Variants in ETFA observed in about 807,000 individuals in gnomAD.
The protein encoded by ETFA is electron transfer flavoprotein subunit alpha.
In ETFA, 22 loss-of-function variants were observed where a neutral mutation model predicts 46.2. The observed-to-expected ratio is 0.48, with a 90% confidence interval of 0.34 to 0.68. The LOEUF (loss-of-function observed/expected upper bound fraction) is 0.68, where lower values mean the gene tolerates loss of function less well. Among genes scored for constraint, ETFA ranks in the 30% least tolerant of loss-of-function variants. The probability of loss-of-function intolerance (pLI) is 0.01; values close to 1 mark genes in which losing one functional copy is unlikely to be tolerated. For missense variants in ETFA, 345 were observed against 401.1 expected, an observed-to-expected ratio of 0.86 and a Z score of 1.19; for synonymous variants, 131 against 139.9, an observed-to-expected ratio of 0.94 and a Z score of 0.45.
rs112566569 is a variant in ETFA, at chr15:76,259,268, G to A, written c.816+15144C>T. ...TGATGTATAAGGGGTCCTGGCTGGC[G>A]GATAGCACAGACAGCTGGCCCAGAA... On this transcript the variant is annotated intron_variant, in intron 9 of 11. Transcript: ENST00000557943. The A allele has an allele frequency of 5.7e-5, 89 of 1,566,416 alleles. 1 individual carries two copies. Among genetic ancestry groups the A allele is most frequent in the South Asian group, 4.4e-5 (4 of 90,150 alleles).
intron 1 of ETFA, among the ~76,000 whole-genome samples, chr15:76,304,925 C>T (rs1035104072): frequency 1.3e-5 from 2 of 151,824 alleles, no homozygotes; most frequent in African/African-American, 4.9e-5. Flanking sequence ...CACCTGTAGT[C>T]CCAGCTACTT....
At chr15:76,259,827 AG>A in intron 9 of ETFA, 1 of 1,552,256 alleles carries the variant, frequency 6.4e-7, no homozygotes. Flanking sequence ...ATCAGGGTAA[AG>A]GGGTTCTCCC....
intron 9 of ETFA, among the ~76,000 whole-genome samples, chr15:76,242,081 C>T (rs990417504): frequency 3.9e-5 from 6 of 152,044 alleles, no homozygotes; most frequent in Non-Finnish European, 7.4e-5. Context: ...GGGATCCCCC[C>T]GCCTTGGCCT....
chr15:76,258,175 A>G (rs2039365739), intron 9 of ETFA, among the ~76,000 whole-genome samples: 2 of 146,736 alleles, frequency 1.4e-5, no homozygotes, highest in Admixed American at 7.4e-5. Context: ...TATAATAATA[A>G]ATAAATAAAT....
intron 11 of ETFA, chr15:76,217,449 A>T: frequency 3.1e-6 from 1 of 324,310 alleles, no homozygotes; most frequent in South Asian, 2.3e-5. Flanking sequence ...CATGCTGAAC[A>T]TTCAATATCA....
At chr15:76,300,304 T>G (rs1206539659) in intron 1 of ETFA, among the ~76,000 whole-genome samples, 1 of 152,184 alleles carries the variant, frequency 6.6e-6, no homozygotes, top group Non-Finnish European at 1.5e-5. Context: ...AATTTAAACT[T>G]TAACTCATGT....
At chr15:76,267,877 C>T (rs1053858173) in intron 9 of ETFA, among the ~76,000 whole-genome samples, 3 of 152,170 alleles carry the variant, frequency 2.0e-5, no homozygotes, top group Admixed American at 1.3e-4. Context: ...ATGGGGAAGA[C>T]GATTTGCTTG....
At chr15:76,278,441 A>G (rs751767602) in intron 8 of ETFA, among the ~76,000 whole-genome samples, 3 of 152,070 alleles carry the variant, frequency 2.0e-5, no homozygotes, top group Non-Finnish European at 2.9e-5. Context: ...TTCTCCTCTT[A>G]TATCACACCA....
chr15:76,259,799 A>G (rs926147446), intron 9 of ETFA: 1 of 1,602,912 alleles, frequency 6.2e-7, no homozygotes, highest in Non-Finnish European at 8.5e-7. Context: ...GCTGCAGGCA[A>G]TGTCCACCAT....
chr15:76,218,289 C>T (rs1204649835), intron 11 of ETFA, among the ~76,000 whole-genome samples: 1 of 151,952 alleles, frequency 6.6e-6, no homozygotes, highest in Non-Finnish European at 1.5e-5. Context: ...TTTTCCAAGA[C>T]AGAGTTTTGC....
intron 2 of ETFA, among the ~76,000 whole-genome samples, 164 bp from the exon 3 acceptor site, chr15:76,292,864 G>T (rs539073334): frequency 6.6e-6 from 1 of 152,178 alleles, no homozygotes; most frequent in Non-Finnish European, 1.5e-5. Context: ...CCGGCCGGGC[G>T]CAGTGGCTCA....
chr15:76,218,062 T>A (rs563096440), intron 11 of ETFA, among the ~76,000 whole-genome samples: 1 of 152,230 alleles, frequency 6.6e-6, no homozygotes, highest in Non-Finnish European at 1.5e-5. Flanking sequence ...ACAGATGACA[T>A]GCTAACTGAG....
At chr15:76,276,792 T>C (rs138523899) in intron 8 of ETFA, among the ~76,000 whole-genome samples, 1 of 152,338 alleles carries the variant, frequency 6.6e-6, no homozygotes, top group East Asian at 1.9e-4. Flanking sequence ...TTTTTATCTC[T>C]AGCATTTCTG....
At chr15:76,254,587 G>T (rs1193471399) in intron 9 of ETFA, among the ~76,000 whole-genome samples, 1 of 152,046 alleles carries the variant, frequency 6.6e-6, no homozygotes, top group Non-Finnish European at 1.5e-5. Flanking sequence ...CAGGGATTCT[G>T]CAAAGTCAAA....
At position 76,231,350 on chromosome 15, in the gene ETFA, C is replaced by A; in HGVS notation, c.865G>T (p.Gly289Trp). Residue 289 changes from glycine to tryptophan, a missense_variant, in exon 10 of 12, where the codon GGG becomes TGG. Coordinates refer to ENST00000557943, the MANE Select transcript of ETFA (RefSeq NM_000126.4). ...ACAATTACCTTGCTGTCTTTCATCCCAGCTAAATGTTGGATGGCTCCAGAT... is the reference window on the plus strand; with the variant it reads ...ACAATTACCTTGCTGTCTTTCATCCAAGCTAAATGTTGGATGGCTCCAGAT... ...GISGAIQHLA[G>W]MKDSKTIVAI... 1 of 1,605,646 alleles carries A rather than the reference C, an allele frequency of 6.2e-7. No individual in the cohort carries two copies. Among genetic ancestry groups the A allele is most frequent in the African/African-American group, 1.3e-5 (1 of 74,874 alleles).
At chr15:76,269,847 C>T (rs536953418) in intron 9 of ETFA, among the ~76,000 whole-genome samples, 3 of 152,056 alleles carry the variant, frequency 2.0e-5, no homozygotes, top group East Asian at 1.9e-4. Context: ...TTGTAAAACC[C>T]GTATCTAACA....
intron 9 of ETFA, among the ~76,000 whole-genome samples, chr15:76,253,293 C>G (rs1486885771): frequency 1.3e-5 from 2 of 151,570 alleles, no homozygotes; most frequent in African/African-American, 4.9e-5. Flanking sequence ...TGTGAATGAC[C>G]CAAAAAAGCA....
At chr15:76,307,200 C>T (rs1311948856) in intron 1 of ETFA, among the ~76,000 whole-genome samples, 1 of 152,148 alleles carries the variant, frequency 6.6e-6, no homozygotes, top group Non-Finnish European at 1.5e-5. Flanking sequence ...TAATAAATAA[C>T]AATAATTAGG....
chr15:76,225,360 C>T (rs1057501619), intron 11 of ETFA, among the ~76,000 whole-genome samples: 1 of 152,172 alleles, frequency 6.6e-6, no homozygotes, highest in Admixed American at 6.5e-5. Context: ...ACGATCTCTG[C>T]TCACTGCAAG....
Sources: gnomAD v4.1 joint callset for allele counts (sites outside exome capture counted in the v4.1 genomes callset) on GRCh38, gnomAD v4.1.1 for gene constraint, MANE v1.5 for transcripts, NCBI Gene and HGNC (gene_info 2026-07-23, HGNC 2026-07-21) for gene names.